The following CDH4 variants were observed in gnomAD, a reference collection of about 807,000 sequenced individuals.
CDH4 encodes the protein cadherin-4.
A neutral mutation model predicts 86.0 loss-of-function variants in CDH4; 33 were observed. The observed-to-expected ratio is 0.38, with a 90% CI of 0.29 to 0.51. The LOEUF is 0.51. Ranked by LOEUF, CDH4 falls within the 20% of genes least tolerant of loss-of-function variation. CDH4 has a pLI of 0.86. For missense variants in CDH4, 1,114 were observed against 1,307.4 expected, an observed-to-expected ratio of 0.85 and a Z score of 2.28; for synonymous variants, 555 against 549.4, an observed-to-expected ratio of 1.01 and a Z score of -0.14.
chr20:61,673,128 C>G (rs1306651171), intron 2 of CDH4, among the ~76,000 whole-genome samples: 1 of 152,178 alleles, frequency 6.6e-6, no homozygotes, highest in Non-Finnish European at 1.5e-5. Flanking sequence ...GAAGGGCTTT[C>G]TGGCCTGGAG....
At chr20:61,669,103 C>A (rs1256190600) in intron 2 of CDH4, among the ~76,000 whole-genome samples, 3 of 152,224 alleles carry the variant, frequency 2.0e-5, no homozygotes, top group Non-Finnish European at 4.4e-5. Context: ...CTCCTGGAAC[C>A]CACGTTCTCC....
At chr20:61,515,642 C>T (rs572956984) in intron 2 of CDH4, among the ~76,000 whole-genome samples, 82 of 152,308 alleles carry the variant, frequency 5.4e-4, no homozygotes, top group African/African-American at 1.8e-3. Context: ...ACAGAAGTCC[C>T]AGGCACAAAT....
intron 2 of CDH4, among the ~76,000 whole-genome samples, chr20:61,687,670 A>G (rs1490618552): frequency 2.0e-5 from 3 of 152,246 alleles, no homozygotes; most frequent in Non-Finnish European, 2.9e-5. Context: ...ATTCCCAAGT[A>G]AATGATTCGG....
chr20:61,256,545 T>C (rs2123113290), intron 2 of CDH4, among the ~76,000 whole-genome samples: 1 of 152,288 alleles, frequency 6.6e-6, no homozygotes, highest in East Asian at 1.9e-4. Flanking sequence ...TTGATCAGTG[T>C]GGTGGGAAAG....
At chr20:61,636,805 C>A (rs1241706038) in intron 2 of CDH4, among the ~76,000 whole-genome samples, 1 of 152,234 alleles carries the variant, frequency 6.6e-6, no homozygotes, top group Non-Finnish European at 1.5e-5. Flanking sequence ...CCCAGGAAGC[C>A]TCCACAGGGG....
At chr20:61,887,179 C>T (rs2427230) in intron 7 of CDH4, among the ~76,000 whole-genome samples, 136,570 of 152,026 alleles carry the variant, frequency 0.9, 61,896 homozygotes, top group Non-Finnish European at 0.93. Flanking sequence ...AGCCTGACCC[C>T]ACCTCCCCAG....
chr20:61,499,207 C>T (rs887518081), intron 2 of CDH4, among the ~76,000 whole-genome samples: 2 of 152,200 alleles, frequency 1.3e-5, no homozygotes, highest in African/African-American at 2.4e-5. Context: ...GCCCTGGTTG[C>T]GGAAGCCAGT....
At chr20:61,364,366 G>C (rs901246216) in intron 2 of CDH4, among the ~76,000 whole-genome samples, 5 of 152,160 alleles carry the variant, frequency 3.3e-5, no homozygotes, top group African/African-American at 1.2e-4. Flanking sequence ...TATCCCTGGG[G>C]GCTCCTCACA....
At chr20:61,632,208 C>G (rs1024622512) in intron 2 of CDH4, among the ~76,000 whole-genome samples, 15 of 152,206 alleles carry the variant, frequency 9.9e-5, no homozygotes, top group African/African-American at 3.1e-4. Context: ...AAGCGCAGGG[C>G]ACATGCATTC....
chr20:61,822,713 GA>G (rs1981111555), intron 4 of CDH4, among the ~76,000 whole-genome samples: 1 of 152,196 alleles, frequency 6.6e-6, no homozygotes, highest in Admixed American at 6.5e-5. Context: ...TTTGGGGCGG[GA>G]AAAGGTCAAT....
chr20:61,774,333 G>A (rs2088813576), intron 4 of CDH4, among the ~76,000 whole-genome samples: 1 of 152,192 alleles, frequency 6.6e-6, no homozygotes, highest in Non-Finnish European at 1.5e-5. Context: ...GAGCTTCCCA[G>A]GCCCACATCT....
At chr20:61,803,524 C>T (rs907946772) in intron 4 of CDH4, among the ~76,000 whole-genome samples, 38 of 152,228 alleles carry the variant, frequency 2.5e-4, no homozygotes, top group Non-Finnish European at 1.6e-4. Context: ...CTCTGCCCCT[C>T]TGAGTTCATC....
chr20:61,852,734 T>C lies in CDH4; in HGVS notation c.733-20T>C. Reference sequence around the variant, plus strand: ...GGGGTGCCCACCCGCCACTGGGCCCTGTCTCTGCTGCTTTTCCAGCTCCGA... The same window carrying C: ...GGGGTGCCCACCCGCCACTGGGCCCCGTCTCTGCTGCTTTTCCAGCTCCGA... On this transcript the variant is annotated intron_variant, in intron 5 of 15. Transcript: ENST00000614565. 1 of 1,605,840 alleles carries C rather than the reference T, an allele frequency of 6.2e-7. No homozygotes were observed. The highest frequency in any genetic ancestry group is 8.5e-7 in the Non-Finnish European group (1 of 1,175,192).
chr20:61,755,683 CCA>C (rs1450282725), intron 3 of CDH4, among the ~76,000 whole-genome samples: 1 of 151,822 alleles, frequency 6.6e-6, no homozygotes, highest in African/African-American at 2.4e-5. Flanking sequence ...ACCATATACA[CCA>C]CACACAGTAC....
rs570437249 is a variant in CDH4 at position 61,883,611 on chromosome 20, C to G, written c.1050+9711C>G. Among the ~76,000 whole-genome samples the G allele has an allele frequency of 1.9e-3, 292 of 152,336 alleles. 1 individual carries two copies. Among genetic ancestry groups the G allele is most frequent in the African/African-American group, 6.7e-3 (277 of 41,592 alleles). On this transcript the variant is annotated intron_variant, in intron 7 of 15. Transcript: ENST00000614565. ...GCCACTGGAACTTATGGCTCAGAAA[C>G]CCCAGGCCACTGGAGAGCTCAGGCA...
At chr20:61,771,679 G>A (rs1024911977) in intron 3 of CDH4, among the ~76,000 whole-genome samples, 6 of 150,544 alleles carry the variant, frequency 4.0e-5, no homozygotes, top group Non-Finnish European at 5.9e-5. Flanking sequence ...TGTATGCTTT[G>A]GTGCTATTTC....
At chr20:61,432,433 T>A (rs2085252766) in intron 2 of CDH4, among the ~76,000 whole-genome samples, 1 of 152,218 alleles carries the variant, frequency 6.6e-6, no homozygotes, top group South Asian at 2.1e-4. Context: ...ATCTCATGCA[T>A]CTTCTTTTGT....
chr20:61,453,992 G>GT (rs1480069670), intron 2 of CDH4, among the ~76,000 whole-genome samples: 2 of 152,210 alleles, frequency 1.3e-5, no homozygotes, highest in African/African-American at 4.8e-5. Flanking sequence ...TGCCATGGTT[G>GT]TAAGTTTCCT....
rs530285959 is a variant in CDH4 at position 61,631,571 on chromosome 20, G to A, written c.170-111992G>A. On this transcript the variant is annotated intron_variant, in intron 2 of 15. Transcript: ENST00000614565. ...GAAGCAGGAGAATCGCTTAACCTCG[G>A]GGGCAGAGGTTGCAGTGAGCCGAGA... Among the ~76,000 whole-genome samples, 37 of 152,268 alleles carry A rather than the reference G, an allele frequency of 2.4e-4. 1 individual carries two copies. The South Asian group carries it at 6.4e-3, about 26-fold the overall frequency.
Sources: gnomAD v4.1 joint callset for allele counts (sites outside exome capture counted in the v4.1 genomes callset) on GRCh38, gnomAD v4.1.1 for gene constraint, MANE v1.5 for transcripts, NCBI Gene and HGNC (gene_info 2026-07-23, HGNC 2026-07-21) for gene names.